The following ADAM22 variants were observed in gnomAD, a reference collection of about 807,000 sequenced individuals.
The protein encoded by ADAM22 is disintegrin and metalloproteinase domain-containing protein 22.
In ADAM22, 65 loss-of-function variants were observed where a neutral mutation model predicts 144.6. The ratio of observed to expected loss-of-function variants is 0.45; its 90% CI spans 0.37 to 0.55. ADAM22 has a LOEUF of 0.55. ADAM22 is among the 20% of genes least tolerant of loss of function. The pLI, the probability that ADAM22 is intolerant of heterozygous loss-of-function variation, is 0.00. For synonymous variants in ADAM22, 391 were observed against 412.6 expected (o/e 0.95, Z 0.63); for missense variants, 974 against 1,184.9 (o/e 0.82, Z 2.61).
intron 4 of ADAM22, among the ~76,000 whole-genome samples, chr7:88,095,691 G>T (rs1298710669): frequency 6.6e-6 from 1 of 151,938 alleles, no homozygotes. Context: ...CTCTATAATC[G>T]TGAAATGTTT....
chr7:88,099,317 TTGGCAATA>T (rs1822289040), intron 4 of ADAM22, among the ~76,000 whole-genome samples: 1 of 152,212 alleles, frequency 6.6e-6, no homozygotes, highest in African/African-American at 2.4e-5. Context: ...TACTCTGGCA[TTGGCAATA>T]GCCAGAATAG....
chr7:88,158,955 T>G (rs971240682), intron 22 of ADAM22, among the ~76,000 whole-genome samples: 10 of 151,760 alleles, frequency 6.6e-5, no homozygotes, highest in Non-Finnish European at 1.3e-4. Flanking sequence ...AGGTAAAATA[T>G]CAACAAATCT....
At chr7:88,039,629 C>G (rs73202332) in intron 3 of ADAM22, among the ~76,000 whole-genome samples, 6 of 124,586 alleles carry the variant, frequency 4.8e-5, no homozygotes, top group South Asian at 5.9e-4. Flanking sequence ...GTGTGTGTGT[C>G]TGTGTGTCTG....
chr7:88,069,715 T>G (rs144081500), intron 3 of ADAM22, among the ~76,000 whole-genome samples: 271 of 152,270 alleles, frequency 1.8e-3, no homozygotes, highest in Non-Finnish European at 2.9e-3. Context: ...TAGATAAGGC[T>G]GCTTAGATGA....
intron 2 of ADAM22, among the ~76,000 whole-genome samples, chr7:87,958,786 G>C (rs1183036867): frequency 6.6e-6 from 1 of 152,080 alleles, no homozygotes; most frequent in Non-Finnish European, 1.5e-5. Flanking sequence ...TTGGTGATCT[G>C]TATTTCCTCT....
intron 2 of ADAM22, among the ~76,000 whole-genome samples, chr7:87,977,261 C>T (rs2129448579): frequency 6.6e-6 from 1 of 152,226 alleles, no homozygotes; most frequent in East Asian, 1.9e-4. Flanking sequence ...AGACTCTCTC[C>T]TTTCACCTAA....
chr7:88,029,931 A>G (rs996086473), intron 3 of ADAM22, among the ~76,000 whole-genome samples: 6 of 151,930 alleles, frequency 3.9e-5, no homozygotes, highest in Middle Eastern at 3.2e-3. Flanking sequence ...TCTGATTATT[A>G]AAAACCTTGA....
In ADAM22 at chr7:88,193,199, T is replaced by C; in HGVS notation, c.2834T>C (p.Leu945Pro). ...SRKYPYPMPP[L>P]PDEDKKVNRQ... ...AAATACCCTTACCCAATGCCTCCAC[T>C]TCCTGATGAGGACAAGAAAGTGAAC... The change falls in exon 31 of 32, where the codon CTT becomes CCT. Residue 945 changes from leucine to proline, a missense_variant. Leu to Pro is a moderately conservative substitution (Grantham distance 98). This residue lies in a region of ADAM22 where 734 missense variants were observed against 950.6 expected (regional missense o/e 0.77). Coordinates refer to ENST00000413139, the MANE Select transcript of ADAM22 (RefSeq NM_001324418.2). 6.2e-7 allele frequency: 1 copy of C among 1,614,130 alleles called. No individual in the cohort carries two copies. Among genetic ancestry groups the C allele is most frequent in the Non-Finnish European group, 8.5e-7 (1 of 1,179,970 alleles).
intron 3 of ADAM22, among the ~76,000 whole-genome samples, chr7:88,071,368 T>C (rs1054083653): frequency 1.7e-4 from 25 of 151,018 alleles, no homozygotes; most frequent in Admixed American, 6.0e-4. Context: ...TCTGGTTTAA[T>C]ACCATACCAG....
intron 2 of ADAM22, among the ~76,000 whole-genome samples, chr7:87,959,257 A>G (rs1287744518): frequency 1.3e-5 from 2 of 152,206 alleles, no homozygotes; most frequent in Non-Finnish European, 1.5e-5. Flanking sequence ...TTACACCAAT[A>G]CAATGTGAAT....
At chr7:88,053,204 T>C (rs1303399234) in intron 3 of ADAM22, among the ~76,000 whole-genome samples, 3 of 152,082 alleles carry the variant, frequency 2.0e-5, no homozygotes, top group African/African-American at 7.2e-5. Context: ...ATTTTTTGTA[T>C]GCAGATGTTG....
chr7:87,981,399 A>G (rs1853383087), intron 3 of ADAM22, among the ~76,000 whole-genome samples: 1 of 152,096 alleles, frequency 6.6e-6, no homozygotes, highest in African/African-American at 2.4e-5. Flanking sequence ...ATAACAACGA[A>G]ATGGTTTTTC....
At chr7:88,078,695 C>T (rs572899460) in intron 4 of ADAM22, among the ~76,000 whole-genome samples, 10 of 152,186 alleles carry the variant, frequency 6.6e-5, no homozygotes, top group South Asian at 2.1e-4. Flanking sequence ...AACTGCATGA[C>T]GAATGCACAA....
At chr7:88,095,069 C>T (rs1820890504) in intron 4 of ADAM22, among the ~76,000 whole-genome samples, 1 of 152,144 alleles carries the variant, frequency 6.6e-6, no homozygotes, top group African/African-American at 2.4e-5. Context: ...GTTCTGATAT[C>T]ATTATTGAGG....
At chr7:88,046,565 T>G (rs1804747853) in intron 3 of ADAM22, among the ~76,000 whole-genome samples, 1 of 152,204 alleles carries the variant, frequency 6.6e-6, no homozygotes, top group Admixed American at 6.5e-5. Flanking sequence ...AGCTTTGTAG[T>G]TTGGTATTAT....
intron 26 of ADAM22, among the ~76,000 whole-genome samples, chr7:88,177,162 G>T (rs1845884874): frequency 6.6e-6 from 1 of 152,130 alleles, no homozygotes; most frequent in South Asian, 2.1e-4. Context: ...GTTAACCATA[G>T]ATATTATTAT....
chr7:88,166,389 C>CTGGCTA (rs1227333366), intron 24 of ADAM22, among the ~76,000 whole-genome samples: 1 of 152,096 alleles, frequency 6.6e-6, no homozygotes, highest in Non-Finnish European at 1.5e-5. Flanking sequence ...GTAGCCTGAA[C>CTGGCTA]TGGCTACAGT....
chr7:88,128,172 A>G (rs1204108211), intron 8 of ADAM22, among the ~76,000 whole-genome samples: 3 of 152,042 alleles, frequency 2.0e-5, no homozygotes. Context: ...AACCCAAAAG[A>G]ATGCTCTTCA....
chr7:88,022,494 A>T (rs1010265727), intron 3 of ADAM22, among the ~76,000 whole-genome samples: 1 of 152,190 alleles, frequency 6.6e-6, no homozygotes, highest in African/African-American at 2.4e-5. Flanking sequence ...TTTCAATTGG[A>T]TTTTACCAAG....
Sources: allele counts gnomAD v4.1 joint callset (sites outside exome capture counted in the v4.1 genomes callset), GRCh38; gene constraint gnomAD v4.1.1; regional missense constraint gnomAD v4.1.1; transcripts MANE v1.5; gene names NCBI Gene and HGNC (gene_info 2026-07-23, HGNC 2026-07-21).